The following CARD9 variants were observed in gnomAD, a reference collection of about 807,000 sequenced individuals.
The protein encoded by CARD9 is caspase recruitment domain family member 9, also known as caspase recruitment domain-containing protein 9.
Under a neutral mutation model 66.0 loss-of-function variants are expected in CARD9, and 53 were observed. The ratio of observed to expected loss-of-function variants is 0.80; its 90% CI spans 0.64 to 1.01. The LOEUF (loss-of-function observed/expected upper bound fraction) is 1.01, where lower values mean the gene tolerates loss of function less well. Among genes scored for constraint, CARD9 ranks in the 50% least tolerant of loss-of-function variants. CARD9 has a pLI of 0.00. For synonymous variants in CARD9, 387 were observed against 313.8 expected, an observed-to-expected ratio of 1.23 and a Z score of -2.47; for missense variants, 769 against 743.2, an observed-to-expected ratio of 1.03 and a Z score of -0.40.
At position 136,365,237 on chromosome 9, in the gene CARD9, C is replaced by T; in HGVS notation, c.1358-20G>A. 1.2e-6 allele frequency: 2 copies of T among 1,604,652 alleles called. No individual in the cohort carries two copies. The highest frequency in any genetic ancestry group is 3.3e-4 in the Middle Eastern group (2 of 6,000). The stretch of plus-strand genomic sequence containing the variant: ...GGCAGCCTGGAAAGGAGAGTCGTGC[C>T]TGTGGGACCTGCCCATCTGCTGGGC... On this transcript the variant is annotated intron_variant, in intron 10 of 12. Coordinates refer to ENST00000371732, the MANE Select transcript of CARD9 (RefSeq NM_052813.5).
rs149712114 is a variant in CARD9 at position 136,367,788 on chromosome 9, C to G, written c.1118G>C (p.Arg373Pro). 1.1e-5 allele frequency: 18 copies of G among 1,603,354 alleles called. No homozygotes were observed. The East Asian group carries it at 3.6e-4, about 32-fold the overall frequency. The change falls in exon 8 of 13, where the codon CGG becomes CCG. Residue 373 changes from arginine to proline, a missense_variant. Coordinates refer to ENST00000371732, the MANE Select transcript of CARD9 (RefSeq NM_052813.5). Reference sequence around the variant, plus strand: ...CAGCGCGTCCTTCTCCTGCAGGCCCCGGGCGTGCTGTGCGTGCAGCTCCTC... The same window carrying G: ...CAGCGCGTCCTTCTCCTGCAGGCCCGGGGCGTGCTGTGCGTGCAGCTCCTC... ...TREELHAQHA[R>P]GLQEKDALRK...
At chr9:136,364,888 G>T (rs1173788279) in intron 11 of CARD9, 3 of 596,296 alleles carry the variant, frequency 5.0e-6, no homozygotes, top group African/African-American at 3.7e-5. Flanking sequence ...CCACTGTAAA[G>T]GCCCTCGGAA....
Position 136,364,001 on chromosome 9 carries a change from A to G in CARD9, c.*301T>C, listed in dbSNP as rs887175597. The G allele has an allele frequency of 6.2e-6, 8 of 1,285,616 alleles. No homozygotes were observed. In the Admixed American group the frequency reaches 9.9e-5, roughly 16 times the overall value. The allele number at this position is 1,285,616 out of a possible 1,614,324, so 79.6% of individuals were successfully genotyped here. A position where few individuals can be genotyped will look rare whatever the true frequency, so the allele number is the denominator to read the frequency against. On this transcript the variant is annotated 3_prime_UTR_variant, in exon 13 of 13. Transcript: ENST00000371732. ...TATTTACGCAGCTGTGTTTTCTAAC[A>G]CTAATACAATGCATGCATGTATTGT...
intron 8 of CARD9, 74 bp from the exon 9 acceptor site, chr9:136,367,331 A>G: frequency 6.6e-7 from 1 of 1,525,648 alleles, no homozygotes; most frequent in Non-Finnish European, 9.0e-7. Context: ...GGCAGGGCAC[A>G]GAGCGGGATC....
At chr9:136,366,900 G>A (rs147305516) in intron 9 of CARD9, 55 bp from the exon 10 acceptor site, 103 of 1,593,418 alleles carry the variant, frequency 6.5e-5, no homozygotes, top group East Asian at 3.6e-4. Flanking sequence ...GACTGGACCC[G>A]GCCACACTGC....
intron 8 of CARD9, 69 bp from the exon 9 acceptor site, chr9:136,367,326 G>A (rs182632017): frequency 1.6e-5 from 25 of 1,536,776 alleles, no homozygotes; most frequent in East Asian, 1.4e-4. Context: ...GGGTGGGCAG[G>A]GCACAGAGCG....
intron 8 of CARD9, 25 bp downstream of exon 8, chr9:136,367,612 T>C (rs745691628): frequency 1.3e-6 from 2 of 1,551,718 alleles, no homozygotes; most frequent in Admixed American, 1.9e-5. Flanking sequence ...CCGGCTCCCC[T>C]CCCTGCCGCA....
At position 136,367,695 on chromosome 9, in the gene CARD9, G is replaced by A. The variant is rs1326413579; in HGVS notation, c.1211C>T (p.Ala404Val). The change falls in exon 8 of 13, where the codon GCG becomes GTG. Residue 404 changes from alanine (A) to valine (V), a missense_variant. Transcript: ENST00000371732. ...ELQLQVFQCE[A>V]QLLAVEGRLR... ...CCTGCCCTCCACGGCCAGTAGCTGC[G>A]CCTCACACTGGAACACCTGCAGCTG... 10 of 1,602,366 alleles carry A rather than the reference G, an allele frequency of 6.2e-6. No homozygotes were observed. The highest frequency in any genetic ancestry group is 3.3e-5 in the Admixed American group (2 of 59,774).
Position 136,367,839 on chromosome 9 carries a change from A to G in CARD9, c.1078-11T>C. The G allele has an allele frequency of 6.3e-7, 1 of 1,590,630 alleles. No individual in the cohort carries two copies. The highest frequency in any genetic ancestry group is 8.5e-7 in the Non-Finnish European group (1 of 1,171,944). On this transcript the variant is annotated splice_polypyrimidine_tract_variant and intron_variant, in intron 7 of 12. Coordinates refer to ENST00000371732, the MANE Select transcript of CARD9 (RefSeq NM_052813.5). ...CCGCGTGGCTATGGCCTGACGGGAC[A>G]GCACAAGGCCGACCCTCAGTGAGGG...
intron 7 of CARD9, among the ~76,000 whole-genome samples, chr9:136,369,426 C>T (rs1400706154): frequency 1.3e-5 from 2 of 152,192 alleles, no homozygotes; most frequent in African/African-American, 2.4e-5. Flanking sequence ...AGGTTGAACA[C>T]GGTTTTCCCT....
At chr9:136,373,496 C>T in intron 1 of CARD9, 36 bp downstream of exon 1, 1 of 985,610 alleles carries the variant, frequency 1.0e-6, no homozygotes, top group Non-Finnish European at 1.2e-6. Context: ...CGCCAACCTT[C>T]CTGGCCACCT....
At position 136,364,332 on chromosome 9, in the gene CARD9, G is replaced by A. The variant is rs1327844435; in HGVS notation, c.1581C>T (p.Gly527=). The A allele has an allele frequency of 1.9e-6, 3 of 1,565,854 alleles. No individual in the cohort carries two copies. The highest frequency in any genetic ancestry group is 2.7e-5 in the African/African-American group (2 of 73,978). ...AGCCCTCAGTGTCGGTGTTGTCGCT[G>A]CCCGTGGTGTTCTCCCGGTCCTCCT... ...QGEEDRENTT[G]SDNTDTEGS Residue 527 remains glycine, a synonymous_variant, in exon 13 of 13, where the codon GGC becomes GGT. Transcript: ENST00000371732.
chr9:136,372,234 T>G, intron 1 of CARD9, 140 bp from the exon 2 acceptor site: 1 of 1,200,180 alleles, frequency 8.3e-7, no homozygotes, highest in East Asian at 2.6e-5. Flanking sequence ...CCAGGAGAGG[T>G]GCCCAGCTCC....
At position 136,364,192 on chromosome 9, in the gene CARD9, G is replaced by A; in HGVS notation, c.*110C>T. 6.4e-7 allele frequency: 1 copy of A among 1,550,542 alleles called. No individual in the cohort carries two copies. Among genetic ancestry groups the A allele is most frequent in the Non-Finnish European group, 8.7e-7 (1 of 1,146,818 alleles). On this transcript the variant is annotated 3_prime_UTR_variant, in exon 13 of 13. Coordinates refer to ENST00000371732, the MANE Select transcript of CARD9 (RefSeq NM_052813.5). ...CAGGGCACCAGATTCCTCGTTCCAG[G>A]CCAAGTCAGCGACGGCTCGGGGAAG... is the stretch of plus-strand genomic sequence containing the variant.
At chr9:136,372,333 A>C (rs1432841517) in intron 1 of CARD9, among the ~76,000 whole-genome samples, 1 of 152,184 alleles carries the variant, frequency 6.6e-6, no homozygotes, top group Non-Finnish European at 1.5e-5. Context: ...GCCCCTCCGC[A>C]GCCTTTCCCA....
chr9:136,366,630 C>T (rs1429687104), intron 10 of CARD9, 170 bp downstream of exon 10: 1 of 728,934 alleles, frequency 1.4e-6, no homozygotes, highest in Non-Finnish European at 2.4e-6. Flanking sequence ...GTAGTTTGTT[C>T]TCTAGGTGAC....
In CARD9 at chr9:136,363,974, T is replaced by C. The variant is rs1177824111; in HGVS notation, c.*328A>G. The stretch of plus-strand genomic sequence containing the variant: ...GCGGGAATGCGGGTCACCCGTGCTG[T>C]TTATTTACGCAGCTGTGTTTTCTAA... On this transcript the variant is annotated 3_prime_UTR_variant, in exon 13 of 13. Coordinates refer to ENST00000371732, the MANE Select transcript of CARD9 (RefSeq NM_052813.5). 4 of 1,127,208 alleles carry C rather than the reference T, an allele frequency of 3.5e-6. No homozygotes were observed. The highest frequency in any genetic ancestry group is 5.2e-6 in the Non-Finnish European group (4 of 766,704). The allele number at this position is 1,127,208 out of a possible 1,614,324, so 69.8% of individuals were successfully genotyped here.
At chr9:136,367,390 G>T (rs1833148628) in intron 8 of CARD9, 133 bp from the exon 9 acceptor site, 1 of 1,115,600 alleles carries the variant, frequency 9.0e-7, no homozygotes, top group Non-Finnish European at 1.3e-6. Context: ...CCCCCTCCAT[G>T]CCCAGAACAA....
In CARD9 at chr9:136,370,436, T is replaced by A. The variant is rs114895119; in HGVS notation, c.809A>T (p.Glu270Val). 6,402 of 1,610,598 alleles carry A rather than the reference T, an allele frequency of 4.0e-3. 28 individuals carry two copies. Among genetic ancestry groups the A allele is most frequent in the Middle Eastern group, 0.01 (62 of 6,054 alleles). ...RVQELEASVQ[E>V]GKLDRSSPYI... is the part of the protein sequence containing the mutation. Reference sequence around the variant, plus strand: ...GGGGCTGCTCCTGTCCAGCTTCCCCTCCTGAAGGGGGCAAAAGGCAATGGC... The same window carrying A: ...GGGGCTGCTCCTGTCCAGCTTCCCCACCTGAAGGGGGCAAAAGGCAATGGC... Residue 270 changes from glutamate to valine, a missense_variant and splice_region_variant, in exon 6 of 13, where the codon GAG becomes GTG. By Grantham distance (121) the Glu-to-Val change is moderately radical. Transcript: ENST00000371732.
Sources: gnomAD v4.1 joint callset for allele counts (sites outside exome capture counted in the v4.1 genomes callset) on GRCh38, gnomAD v4.1.1 for gene constraint, MANE v1.5 for transcripts, NCBI Gene and HGNC (gene_info 2026-07-23, HGNC 2026-07-21) for gene names.